The following SMIM14 variants were observed in gnomAD, a reference collection of about 807,000 sequenced individuals.
The protein encoded by SMIM14 is chromosome 4 open reading frame 34.
In SMIM14, 5 loss-of-function variants were observed where a neutral mutation model predicts 12.6. The observed-to-expected ratio is 0.40, with a 90% CI of 0.21 to 0.83. The LOEUF is 0.83. SMIM14 is among the 40% of genes least tolerant of loss of function. The pLI is 0.37. For synonymous variants in SMIM14, 30 were observed against 40.1 expected (o/e 0.75, Z 0.95); for missense variants, 86 against 119.1 (o/e 0.72, Z 1.29).
At chr4:39,638,512 A>T in intron 1 of SMIM14, 1 of 985,460 alleles carries the variant, frequency 1.0e-6, no homozygotes, top group Non-Finnish European at 1.2e-6. Flanking sequence ...GACATCCTGC[A>T]GAGAATACCC....
intron 1 of SMIM14, among the ~76,000 whole-genome samples, chr4:39,614,960 T>C (rs1407396304): frequency 6.6e-6 from 1 of 152,238 alleles, no homozygotes; most frequent in African/African-American, 2.4e-5. Context: ...TGAGTCATAC[T>C]GTTGCTATAT....
intron 2 of SMIM14, among the ~76,000 whole-genome samples, chr4:39,586,248 C>T (rs1578334812): frequency 6.6e-6 from 1 of 152,138 alleles, no homozygotes; most frequent in African/African-American, 2.4e-5. Flanking sequence ...ATTCCATCTT[C>T]AATTGGCTTC....
intron 1 of SMIM14, among the ~76,000 whole-genome samples, chr4:39,618,662 A>C (rs543184369): frequency 1.3e-5 from 2 of 151,106 alleles, no homozygotes; most frequent in African/African-American, 2.4e-5. Context: ...AAAAAAAAAA[A>C]AACAAAAAAA....
chr4:39,609,349 A>T (rs527546215), intron 1 of SMIM14, among the ~76,000 whole-genome samples: 3 of 152,318 alleles, frequency 2.0e-5, no homozygotes, highest in Admixed American at 2.0e-4. Context: ...TGTTACATAA[A>T]TGGTGCCTAG....
At chr4:39,599,454 G>A (rs927423562) in intron 2 of SMIM14, among the ~76,000 whole-genome samples, 1 of 152,112 alleles carries the variant, frequency 6.6e-6, no homozygotes, top group Non-Finnish European at 1.5e-5. Flanking sequence ...GGGGGCTTGG[G>A]GGTAGCAAGA....
chr4:39,574,286 C>T (rs7678185), intron 2 of SMIM14, among the ~76,000 whole-genome samples: 17,636 of 148,612 alleles, frequency 0.12, 2,379 homozygotes, highest in African/African-American at 0.33. Flanking sequence ...CGGAGTCTCG[C>T]TCTGTCGCCC....
At chr4:39,605,205 TAA>T (rs1476294871) in intron 1 of SMIM14, 25 bp from the exon 2 acceptor site, 4 of 1,330,350 alleles carry the variant, frequency 3.0e-6, no homozygotes, top group Non-Finnish European at 4.2e-6. Flanking sequence ...AAAATACTGT[TAA>T]GTCTACAATT....
intron 3 of SMIM14, among the ~76,000 whole-genome samples, chr4:39,568,287 A>C (rs1470191692): frequency 1.3e-5 from 2 of 152,130 alleles, no homozygotes; most frequent in Non-Finnish European, 2.9e-5. Context: ...TCAAAAAAAA[A>C]AAAAAGAACA....
intron 2 of SMIM14, among the ~76,000 whole-genome samples, chr4:39,598,837 A>AC (rs1322736119): frequency 6.6e-6 from 1 of 151,494 alleles, no homozygotes; most frequent in East Asian, 1.9e-4. Flanking sequence ...GAGCCATGTG[A>AC]CCCCCACACC....
intron 2 of SMIM14, among the ~76,000 whole-genome samples, chr4:39,587,427 G>A (rs976481983): frequency 2.0e-5 from 3 of 147,550 alleles, no homozygotes; most frequent in East Asian, 4.0e-4. Flanking sequence ...AAACAGGGAC[G>A]TGGAGCTTGC....
At chr4:39,563,931 C>T (rs954212117) in intron 3 of SMIM14, among the ~76,000 whole-genome samples, 2 of 151,038 alleles carry the variant, frequency 1.3e-5, no homozygotes, top group African/African-American at 4.9e-5. Context: ...TCTTCTTCTT[C>T]TATTATTATT....
intron 1 of SMIM14, among the ~76,000 whole-genome samples, chr4:39,619,838 GTATATATATATTTATATATATTTA>G (rs1715398730): frequency 1.9e-5 from 2 of 107,090 alleles, no homozygotes; most frequent in East Asian, 2.5e-4. Context: ...ATATATAAAT[GTATATATATATTTATATATATTTA>G]TATATATATA....
chr4:39,576,562 G>A (rs1713175964), intron 2 of SMIM14, among the ~76,000 whole-genome samples: 2 of 146,330 alleles, frequency 1.4e-5, no homozygotes, highest in Admixed American at 1.4e-4. Context: ...CTCTACAAAG[G>A]CTCAGATCAT....
intron 1 of SMIM14, among the ~76,000 whole-genome samples, chr4:39,630,305 C>T (rs1483108764): frequency 6.6e-6 from 1 of 152,098 alleles, no homozygotes; most frequent in Non-Finnish European, 1.5e-5. Flanking sequence ...ACTCAGAAGG[C>T]TGAGAAGGGA....
Position 39,572,423 on chromosome 4 carries a change from A to G in SMIM14, c.116T>C (p.Leu39Pro). The G allele has an allele frequency of 6.2e-7, 1 of 1,609,480 alleles. No homozygotes were observed. Among genetic ancestry groups the G allele is most frequent in the Non-Finnish European group, 8.5e-7 (1 of 1,178,088 alleles). ...SQSYCTDTEC[L>P]QELPGPSGDN... The stretch of plus-strand genomic sequence containing the variant: ...GTCTCAGTGGTACTTACATTCCTGA[A>G]GACACTCTGTGTCTGTGCAGTAGGA... Residue 39 changes from leucine (L) to proline (P), a missense_variant, in exon 3 of 5, where the codon CTT becomes CCT. Transcript: ENST00000295958.
chr4:39,619,597 A>C (rs1715372467), intron 1 of SMIM14, among the ~76,000 whole-genome samples: 1 of 86,298 alleles, frequency 1.2e-5, no homozygotes. Context: ...AATAAATATA[A>C]TTTATTCTAT....
chr4:39,579,843 C>CAAAAAA (rs528601041), intron 2 of SMIM14, among the ~76,000 whole-genome samples: 3 of 123,908 alleles, frequency 2.4e-5, no homozygotes, highest in Non-Finnish European at 4.9e-5. Context: ...GACTCCGTCT[C>CAAAAAA]AAAAAAAAAA....
At chr4:39,611,184 A>C (rs1443280066) in intron 1 of SMIM14, among the ~76,000 whole-genome samples, 1 of 152,222 alleles carries the variant, frequency 6.6e-6, no homozygotes, top group Non-Finnish European at 1.5e-5. Context: ...AATCAAAACA[A>C]TCTTATACCT....
chr4:39,557,674 G>A (rs1236829180), intron 3 of SMIM14, among the ~76,000 whole-genome samples: 1 of 152,062 alleles, frequency 6.6e-6, no homozygotes, highest in African/African-American at 2.4e-5. Flanking sequence ...AAGCACTCAT[G>A]TATACCAAAT....
Sources: allele counts gnomAD v4.1 joint callset (sites outside exome capture counted in the v4.1 genomes callset), GRCh38; gene constraint gnomAD v4.1.1; transcripts MANE v1.5; gene names NCBI Gene and HGNC (gene_info 2026-07-23, HGNC 2026-07-21).